CNKSR2: variants seen among roughly 807,000 people sequenced by gnomAD.
The protein encoded by CNKSR2 is CNK homolog protein 2.
A neutral mutation model predicts 84.4 loss-of-function variants in CNKSR2; 14 were observed. That is an observed-to-expected ratio of 0.17 (90% confidence interval 0.11 to 0.26). CNKSR2 has a LOEUF of 0.26. Ranked by LOEUF, CNKSR2 falls within the 10% of genes least tolerant of loss-of-function variation. The pLI is 1.00. For synonymous variants in CNKSR2, 275 were observed against 277.9 expected (o/e 0.99, Z 0.10); for missense variants, 485 against 771.2 (o/e 0.63, Z 4.40).
At chrX:21,542,486 T>C (rs1159797431) in intron 11 of CNKSR2, among the ~76,000 whole-genome samples, 12 of 112,207 alleles carry the variant, frequency 1.1e-4, no homozygotes, top group African/African-American at 3.6e-4. Flanking sequence ...AACATGGAAA[T>C]AGAAACAGGG....
chrX:21,603,312 A>G (rs2092494822), intron 18 of CNKSR2, among the ~76,000 whole-genome samples: 1 of 112,196 alleles, frequency 8.9e-6, no homozygotes, highest in Admixed American at 9.4e-5. Flanking sequence ...TTACCTCCTG[A>G]ATGATTAGGT....
At chrX:21,590,947 T>G in intron 14 of CNKSR2, 75 bp from the exon 15 acceptor site, 1 of 895,685 alleles carries the variant, frequency 1.1e-6, no homozygotes, top group Non-Finnish European at 1.5e-6. Flanking sequence ...AACTCATACT[T>G]CTTTTTGGTA....
intron 13 of CNKSR2, among the ~76,000 whole-genome samples, chrX:21,579,026 T>C (rs1180265538): frequency 8.9e-6 from 1 of 111,734 alleles, no homozygotes; most frequent in Non-Finnish European, 1.9e-5. Flanking sequence ...GGAGATCCGA[T>C]TGGAGCTGAA....
chrX:21,506,942 A>G (rs2091618620), intron 8 of CNKSR2: 1 of 108,351 alleles, frequency 9.2e-6, no homozygotes, highest in South Asian at 3.9e-4. Context: ...TATTAAGTGT[A>G]TGGCTCATTT....
chrX:21,644,059 G>A (rs1356525893), intron 20 of CNKSR2: 2 of 111,378 alleles, frequency 1.8e-5, no homozygotes, highest in Non-Finnish European at 3.8e-5. Context: ...GAAAATATTC[G>A]GGTGTTCTCA....
At chrX:21,648,020 C>A (rs1443284283) in intron 20 of CNKSR2, among the ~76,000 whole-genome samples, 1 of 111,536 alleles carries the variant, frequency 9.0e-6, no homozygotes, top group Non-Finnish European at 1.9e-5. Context: ...TCAGCTATGT[C>A]TAAGACCCTT....
intron 3 of CNKSR2, 75 bp downstream of exon 3, chrX:21,432,889 G>C (rs950077842): frequency 9.5e-7 from 1 of 1,047,528 alleles, no homozygotes; most frequent in East Asian, 3.1e-5. Context: ...TTTGCATTTT[G>C]TTGTGAAAGG....
chrX:21,524,622 A>T (rs1448604385), intron 9 of CNKSR2, among the ~76,000 whole-genome samples: 1 of 110,649 alleles, frequency 9.0e-6, no homozygotes, highest in Non-Finnish European at 1.9e-5. Flanking sequence ...AGGTGTATGT[A>T]TTTTAAAATA....
intron 20 of CNKSR2, among the ~76,000 whole-genome samples, chrX:21,615,814 C>T (rs972918877): frequency 9.0e-6 from 1 of 111,257 alleles, no homozygotes; most frequent in African/African-American, 3.3e-5. Flanking sequence ...TCAGTTCTAG[C>T]CATTGAGTTG....
In CNKSR2 at chrX:21,475,993, G is replaced by A. The variant is rs141312336; in HGVS notation, c.561+5186G>A. Reference sequence around the variant, plus strand: ...CGGATTAGAGATACTCAACCTGTACGAGTGTCAGAGTGCCCTTCAACACAT... The same window carrying A: ...CGGATTAGAGATACTCAACCTGTACAAGTGTCAGAGTGCCCTTCAACACAT... On this transcript the variant is annotated intron_variant, in intron 5 of 21. Coordinates refer to ENST00000379510, the MANE Select transcript of CNKSR2 (RefSeq NM_014927.5). Among the ~76,000 whole-genome samples the A allele has an allele frequency of 5.1e-3, 563 of 111,127 alleles. 2 individuals carry two copies. Among genetic ancestry groups the A allele is most frequent in the African/African-American group, 0.016 (487 of 30,549 alleles).
At chrX:21,637,649 GTC>G (rs1246400892) in intron 20 of CNKSR2, among the ~76,000 whole-genome samples, 1 of 111,213 alleles carries the variant, frequency 9.0e-6, no homozygotes, top group Non-Finnish European at 1.9e-5. Flanking sequence ...CAATTAACAA[GTC>G]TCTGTTTTGG....
intron 5 of CNKSR2, among the ~76,000 whole-genome samples, chrX:21,484,040 C>G (rs1329115451): frequency 2.7e-5 from 3 of 111,895 alleles, no homozygotes; most frequent in African/African-American, 9.8e-5. Context: ...GCCTGTAATC[C>G]CAGCACTTTG....
intron 1 of CNKSR2, among the ~76,000 whole-genome samples, chrX:21,387,391 A>G (rs1601720946): frequency 9.0e-6 from 1 of 111,338 alleles, no homozygotes; most frequent in East Asian, 2.8e-4. Flanking sequence ...CAGAGGTGGG[A>G]GGATCACCAG....
chrX:21,478,285 A>G (rs1340701244), intron 5 of CNKSR2, among the ~76,000 whole-genome samples: 1 of 111,538 alleles, frequency 9.0e-6, no homozygotes, highest in African/African-American at 3.3e-5. Context: ...GGTTAATTGC[A>G]TTGTAAATTA....
At chrX:21,510,123 A>ACCAGAC (rs2091656213) in intron 8 of CNKSR2, among the ~76,000 whole-genome samples, 4 of 111,466 alleles carry the variant, frequency 3.6e-5, no homozygotes, top group African/African-American at 1.3e-4. Flanking sequence ...AGACATTCAT[A>ACCAGAC]TAGGCATACT....
At chrX:21,572,790 A>G (rs2147211866) in intron 13 of CNKSR2, among the ~76,000 whole-genome samples, 1 of 111,407 alleles carries the variant, frequency 9.0e-6, no homozygotes, top group South Asian at 3.9e-4. Flanking sequence ...ATTCAAGATG[A>G]GATTTGGGTG....
intron 3 of CNKSR2, among the ~76,000 whole-genome samples, chrX:21,433,290 T>C (rs2090659809): frequency 9.0e-6 from 1 of 111,622 alleles, no homozygotes; most frequent in Non-Finnish European, 1.9e-5. Context: ...AATTACATTG[T>C]ACTATTTTGG....
At position 21,648,794 on chromosome X, in the gene CNKSR2, C is replaced by CTTTTT. The variant is rs33962399; in HGVS notation, c.2693-16_2693-12dup. 7.3e-3 allele frequency: 2,309 copies of CTTTTT among 314,577 alleles called. 52 individuals are homozygous for CTTTTT. The highest frequency in any genetic ancestry group is 0.012 in the African/African-American group (195 of 16,093). 25.9% of individuals were successfully genotyped at this position (314,577 alleles called of 1,213,427 possible). A position where few individuals can be genotyped will look rare whatever the true frequency, so the allele number is the denominator to read the frequency against. ...TTTCTCTCTCTCTCTCTCTCTCTTT[C>CTTTTT]TTTTTTTTTTTTTTTTTTTTTTTTT... is the stretch of plus-strand genomic sequence containing the variant. On this transcript the variant is annotated intron_variant, in intron 20 of 21. Coordinates refer to ENST00000379510, the MANE Select transcript of CNKSR2 (RefSeq NM_014927.5).
intron 11 of CNKSR2, among the ~76,000 whole-genome samples, chrX:21,549,703 G>T (rs943849953): frequency 8.9e-6 from 1 of 111,837 alleles, no homozygotes; most frequent in Non-Finnish European, 1.9e-5. Flanking sequence ...GCATTTACTG[G>T]TATCAAAACA....
Sources: allele counts gnomAD v4.1 joint callset (sites outside exome capture counted in the v4.1 genomes callset), GRCh38; gene constraint gnomAD v4.1.1; transcripts MANE v1.5; gene names NCBI Gene and HGNC (gene_info 2026-07-23, HGNC 2026-07-21).